ZNF500: variants seen among roughly 807,000 people sequenced by gnomAD.
ZNF500 encodes zinc finger protein 500.
In ZNF500, 31 loss-of-function variants were observed where a neutral mutation model predicts 30.1. That is an observed-to-expected ratio of 1.03 (90% CI 0.77 to 1.39). The LOEUF is 1.39. Ranked by LOEUF, ZNF500 falls within the 40% of genes most tolerant of loss-of-function variation. The probability of loss-of-function intolerance (pLI) is 0.00; values close to 1 mark genes in which losing one functional copy is unlikely to be tolerated. For synonymous variants in ZNF500, 392 were observed against 282.0 expected, an observed-to-expected ratio of 1.39 and a Z score of -3.91; for missense variants, 817 against 657.8, an observed-to-expected ratio of 1.24 and a Z score of -2.65.
downstream of ZNF500, chr16:4,746,749 G>T: frequency 1.3e-6 from 1 of 752,824 alleles, no homozygotes; most frequent in Non-Finnish European, 2.1e-6. Context: ...ACACGTCTAG[G>T]CTGGAGGGCA....
At chr16:4,761,830 G>A (rs8057816) in intron 4 of ZNF500, among the ~76,000 whole-genome samples, 2,500 of 151,966 alleles carry the variant, frequency 0.016, 73 homozygotes, top group African/African-American at 0.058. Flanking sequence ...GCACTCCAGC[G>A]TGAGCACAGA....
rs1363083043 is a variant in ZNF500 at position 4,751,806 on chromosome 16, G to A, written c.*570C>T. 4.8e-6 allele frequency: 3 copies of A among 626,078 alleles called. No individual in the cohort carries two copies. Among genetic ancestry groups the A allele is most frequent in the Non-Finnish European group, 8.2e-6 (3 of 364,012 alleles). 38.8% of individuals were successfully genotyped at this position (626,078 alleles called of 1,614,324 possible). A position where few individuals can be genotyped will look rare whatever the true frequency, so the allele number is the denominator to read the frequency against. ...ACCTGTAACCCCAGCTACTCAGGAG[G>A]ATGAGGCAGGAGGAACACTTGAGCC... is the stretch of plus-strand genomic sequence containing the variant. On this transcript the variant is annotated 3_prime_UTR_variant, in exon 6 of 6. Coordinates refer to ENST00000219478, the MANE Select transcript of ZNF500 (RefSeq NM_021646.4).
intron 1 of ZNF500, 167 bp from the exon 2 acceptor site, chr16:4,766,243 G>A (rs1342264932): frequency 5.3e-6 from 2 of 377,408 alleles, no homozygotes; most frequent in Non-Finnish European, 9.5e-6. Context: ...TAATTCCCGG[G>A]TAATTTACTG....
rs985450406 is a variant in ZNF500 at position 4,750,494 on chromosome 16, AT to A, written c.*1881del. On this transcript the variant is annotated 3_prime_UTR_variant, in exon 6 of 6. Transcript: ENST00000219478. Reference sequence around the variant, plus strand: ...AGGCACACCCCATCATGCCTGGCTAATTTTTTTTTTTTTTGTGTGGAGTCTC... The same window carrying A: ...AGGCACACCCCATCATGCCTGGCTAATTTTTTTTTTTTTGTGTGGAGTCTC... 106 of 97,760 alleles carry A rather than the reference AT, an allele frequency of 1.1e-3. No individual in the cohort carries two copies. Among genetic ancestry groups the A allele is most frequent in the Non-Finnish European group, 1.1e-3 (43 of 40,484 alleles). 6.1% of individuals were successfully genotyped at this position (97,760 alleles called of 1,614,324 possible).
chr16:4,758,890 A>G (rs1278285873), intron 5 of ZNF500, among the ~76,000 whole-genome samples: 1 of 146,990 alleles, frequency 6.8e-6, no homozygotes, highest in Non-Finnish European at 1.5e-5. Context: ...CAAAATGAAA[A>G]TGCAACACAC....
At chr16:4,745,385 C>G (rs925461193), downstream of ZNF500, among the ~76,000 whole-genome samples, 1 of 152,192 alleles carries the variant, frequency 6.6e-6, no homozygotes, top group Non-Finnish European at 1.5e-5. Context: ...GCATGTGACC[C>G]CAGCTGCGGG....
In ZNF500 at chr16:4,752,419, G is replaced by T. The variant is rs151239455; in HGVS notation, c.1400C>A (p.Thr467Lys). The T allele has an allele frequency of 3.3e-6, 5 of 1,527,346 alleles. No homozygotes were observed. The South Asian group carries it at 6.0e-5, about 18-fold the overall frequency. 94.6% of individuals were successfully genotyped at this position (1,527,346 alleles called of 1,614,324 possible). Residue 467 changes from threonine to lysine, a missense_variant, in exon 6 of 6, where the codon ACG (threonine) becomes AAG (lysine). By Grantham distance (78) the Thr-to-Lys change is moderately conservative. Coordinates refer to ENST00000219478, the MANE Select transcript of ZNF500 (RefSeq NM_021646.4). The part of the protein sequence containing the change: ...RTHMGAGSLP[T>K]LQPVAPGGPG... ...GCCTCCAGGAGCCACCGGCTGGAGC[G>T]TCGGCAAGGAGCCTGCCCCCATGTG...
chr16:4,751,943 A>C lies in ZNF500; in HGVS notation c.*433T>G, dbSNP rs187422235. 4.5e-6 allele frequency: 3 copies of C among 668,142 alleles called. No homozygotes were observed. The South Asian group carries it at 7.1e-5, about 16-fold the overall frequency. 41.4% of individuals were successfully genotyped at this position (668,142 alleles called of 1,614,324 possible). Reference sequence around the variant, plus strand: ...GGGGGGGGGAGCAGGTGGGGGGTACACACAGAGACAGCGCACAGGGTCACA... The same window carrying C: ...GGGGGGGGGAGCAGGTGGGGGGTACCCACAGAGACAGCGCACAGGGTCACA... On this transcript the variant is annotated 3_prime_UTR_variant, in exon 6 of 6. Transcript: ENST00000219478.
chr16:4,762,176 G>T, intron 4 of ZNF500, 95 bp downstream of exon 4: 1 of 1,398,196 alleles, frequency 7.2e-7, no homozygotes, highest in Non-Finnish European at 9.9e-7. Context: ...CAAAACCTTG[G>T]CCCCCAGGAG....
intron 3 of ZNF500, 51 bp from the exon 4 acceptor site, chr16:4,762,386 C>T (rs913541360): frequency 5.2e-6 from 8 of 1,547,858 alleles, no homozygotes; most frequent in African/African-American, 2.7e-5. Context: ...CAGTACTGCC[C>T]CTGCCGTCCC....
downstream of ZNF500, chr16:4,746,511 A>T (rs764615801): frequency 3.1e-6 from 5 of 1,612,822 alleles, no homozygotes; most frequent in Admixed American, 1.7e-5. Context: ...GTCCCCAGAA[A>T]GGTCCGGAGG....
chr16:4,744,753 G>A (rs1410700085), downstream of ZNF500: 2 of 1,305,842 alleles, frequency 1.5e-6, no homozygotes, highest in African/African-American at 2.9e-5. Flanking sequence ...CGGGGGCAGT[G>A]GAGGAGCCTG....
intron 5 of ZNF500, chr16:4,758,678 C>T (rs559972931): frequency 9.2e-5 from 14 of 152,270 alleles, no homozygotes; most frequent in African/African-American, 3.4e-4. Context: ...AAAATGTCTC[C>T]AACTCATGGA....
intron 2 of ZNF500, among the ~76,000 whole-genome samples, chr16:4,764,761 G>A (rs1434329911): frequency 1.5e-4 from 22 of 146,236 alleles, no homozygotes; most frequent in South Asian, 2.2e-4. Flanking sequence ...CAGCCTGGGC[G>A]ACAGGGCGAG....
Position 4,760,503 on chromosome 16 carries a change from AGCGGCGCGTCCC to A in ZNF500, c.737_748del (p.Arg246_Pro249del). ...CACTTGCAAGTTACCTTCATTCTCC[AGCGGCGCGTCCC>A]GCTGAGCTGGGTCCATGCATCTTGG... On this transcript the variant is annotated inframe_deletion, in exon 5 of 6. Coordinates refer to ENST00000219478, the MANE Select transcript of ZNF500 (RefSeq NM_021646.4). The A allele has an allele frequency of 6.2e-7, 1 of 1,613,552 alleles. No homozygotes were observed. The highest frequency in any genetic ancestry group is 2.2e-5 in the East Asian group (1 of 44,832).
rs1325771719 is a variant in ZNF500 at position 4,749,349 on chromosome 16, CTGAGAA to C, written c.*3021_*3026del. 1 of 154,452 alleles carries C rather than the reference CTGAGAA, an allele frequency of 6.5e-6. No individual in the cohort carries two copies. The highest frequency in any genetic ancestry group is 1.5e-5 in the Non-Finnish European group (1 of 68,234). 9.6% of individuals were successfully genotyped at this position (154,452 alleles called of 1,614,324 possible). A position where few individuals can be genotyped will look rare whatever the true frequency, so the allele number is the denominator to read the frequency against. ...CACCTTTTTAATGCCAGTAACCTCA[CTGAGAA>C]TGTTTTACAGTGATGGAAAATAAAC... On this transcript the variant is annotated 3_prime_UTR_variant, in exon 6 of 6. Coordinates refer to ENST00000219478, the MANE Select transcript of ZNF500 (RefSeq NM_021646.4).
chr16:4,755,849 C>A (rs2082129736), intron 5 of ZNF500, among the ~76,000 whole-genome samples: 1 of 152,154 alleles, frequency 6.6e-6, no homozygotes, highest in South Asian at 2.1e-4. Context: ...GTGGTCTATC[C>A]ATACAGTGGA....
chr16:4,752,277 C>T lies in ZNF500; in HGVS notation c.*99G>A, dbSNP rs1006594478. ...CCTCATACTGGGCCATGGGAGGAAA[C>T]GGGCAGCTGGCAATGCTTTCGGACC... On this transcript the variant is annotated 3_prime_UTR_variant, in exon 6 of 6. Coordinates refer to ENST00000219478, the MANE Select transcript of ZNF500 (RefSeq NM_021646.4). The T allele has an allele frequency of 1.6e-5, 23 of 1,429,640 alleles. No individual in the cohort carries two copies. The highest frequency in any genetic ancestry group is 2.6e-4 in the Middle Eastern group (1 of 3,916). 88.6% of individuals were successfully genotyped at this position (1,429,640 alleles called of 1,614,324 possible).
intron 5 of ZNF500, among the ~76,000 whole-genome samples, chr16:4,757,241 G>A (rs1428695046): frequency 1.3e-5 from 2 of 152,212 alleles, no homozygotes; most frequent in African/African-American, 4.8e-5. Context: ...CCACAGTGTG[G>A]AAGGGGACCC....
Sources: allele counts gnomAD v4.1 joint callset (sites outside exome capture counted in the v4.1 genomes callset), GRCh38; gene constraint gnomAD v4.1.1; transcripts MANE v1.5; gene names NCBI Gene and HGNC (gene_info 2026-07-23, HGNC 2026-07-21).